The following DUSP26 variants were observed in gnomAD, a reference collection of about 807,000 sequenced individuals.
The protein encoded by DUSP26 is dual specificity phosphatase 26, also known as dual specificity protein phosphatase 26.
DUSP26 carries 12 observed loss-of-function variants against 20.0 expected under a neutral mutation model. The ratio of observed to expected loss-of-function variants is 0.60; its 90% CI spans 0.38 to 0.97. DUSP26 has a LOEUF of 0.97. Among genes scored for constraint, DUSP26 ranks in the 50% least tolerant of loss-of-function variants. The pLI is 0.00. For synonymous variants in DUSP26, 120 were observed against 118.8 expected, an observed-to-expected ratio of 1.01 and a Z score of -0.06; for missense variants, 230 against 294.0, an observed-to-expected ratio of 0.78 and a Z score of 1.59.
At chr8:33,594,310 C>T (rs902230018) in intron 2 of DUSP26, among the ~76,000 whole-genome samples, 14 of 151,266 alleles carry the variant, frequency 9.3e-5, no homozygotes, top group African/African-American at 3.4e-4. Context: ...TGAAAGTGTG[C>T]GGCCGGGCGC....
chr8:33,595,477 G>A (rs1010812434), intron 2 of DUSP26, among the ~76,000 whole-genome samples: 1 of 151,672 alleles, frequency 6.6e-6, no homozygotes, highest in Admixed American at 6.6e-5. Flanking sequence ...TGCCTCCCGG[G>A]TTCAAGCAAT....
Position 33,597,709 on chromosome 8 carries a change from C to G in DUSP26, c.-76-118G>C, listed in dbSNP as rs899184551. On this transcript the variant is annotated intron_variant, in intron 1 of 3. Coordinates refer to ENST00000256261, the MANE Select transcript of DUSP26 (RefSeq NM_024025.3). ...GGAGAGAAGGTAAGCCTGGCTCTGG[C>G]AGGAGCCTTCAGGGGTGGCTTTTTC... The G allele has an allele frequency of 7.3e-6, 4 of 550,604 alleles. No individual in the cohort carries two copies. In the African/African-American group the frequency reaches 7.6e-5, roughly 10 times the overall value. The allele number at this position is 550,604 out of a possible 1,614,324, so 34.1% of individuals were successfully genotyped here. A position where few individuals can be genotyped will look rare whatever the true frequency, so the allele number is the denominator to read the frequency against.
chr8:33,595,642 G>A (rs1585378787), intron 2 of DUSP26, among the ~76,000 whole-genome samples: 1 of 151,978 alleles, frequency 6.6e-6, no homozygotes, highest in Non-Finnish European at 1.5e-5. Context: ...GTATCCCAAA[G>A]TGCTGGGATT....
chr8:33,598,319 G>A (rs560460229), intron 1 of DUSP26, among the ~76,000 whole-genome samples: 6 of 152,128 alleles, frequency 3.9e-5, no homozygotes, highest in Non-Finnish European at 8.8e-5. Flanking sequence ...CCTTGGATCA[G>A]CATTAGGAAA....
At chr8:33,598,699 G>A (rs986498075) in intron 1 of DUSP26, among the ~76,000 whole-genome samples, 1 of 152,168 alleles carries the variant, frequency 6.6e-6, no homozygotes, top group African/African-American at 2.4e-5. Context: ...AAGGACCAGC[G>A]TTTGAGGCTT....
intron 2 of DUSP26, among the ~76,000 whole-genome samples, chr8:33,594,424 C>T (rs1221490781): frequency 6.6e-6 from 1 of 151,536 alleles, no homozygotes; most frequent in Non-Finnish European, 1.5e-5. Context: ...AACCCCATCT[C>T]TACTAAAAAT....
At chr8:33,594,315 G>A (rs1053859249) in intron 2 of DUSP26, among the ~76,000 whole-genome samples, 25 of 151,858 alleles carry the variant, frequency 1.6e-4, no homozygotes, top group Admixed American at 9.8e-4. Context: ...GTGTGCGGCC[G>A]GGCGCGGTGG....
chr8:33,598,380 G>A (rs1811199107), intron 1 of DUSP26, among the ~76,000 whole-genome samples: 1 of 151,092 alleles, frequency 6.6e-6, no homozygotes, highest in South Asian at 2.1e-4. Context: ...TCTAAGCAGG[G>A]TTGGAGTGTT....
intron 3 of DUSP26, 28 bp from the exon 4 acceptor site, chr8:33,592,240 T>A (rs764020078): frequency 6.5e-7 from 1 of 1,538,676 alleles, no homozygotes; most frequent in East Asian, 2.4e-5. Context: ...GAGAGAGCTT[T>A]GAGACTGCTT....
chr8:33,599,118 T>C (rs948606710), intron 1 of DUSP26, among the ~76,000 whole-genome samples: 4 of 151,858 alleles, frequency 2.6e-5, no homozygotes, highest in African/African-American at 4.8e-5. Context: ...ACTACAGCCA[T>C]CATCACCACC....
Position 33,597,358 on chromosome 8 carries a change from T to C in DUSP26, c.158A>G (p.Tyr53Cys). Residue 53 changes from tyrosine (Y) to cysteine (C), a missense_variant, in exon 2 of 4, where the codon TAC (tyrosine) becomes TGC (cysteine). By Grantham distance (194) the Tyr-to-Cys change is radical (BLOSUM62 -2). Coordinates refer to ENST00000256261, the MANE Select transcript of DUSP26 (RefSeq NM_024025.3). Reference protein sequence around the residue: ...LNVFELERLLYTGKTACNHAD... With the variant: ...LNVFELERLLCTGKTACNHAD... ...ATGGTTACAGGCTGTCTTGCCTGTGTAGAGGAGCCGCTCCAACTCGAAGAC... is the reference window on the plus strand; with the variant it reads ...ATGGTTACAGGCTGTCTTGCCTGTGCAGAGGAGCCGCTCCAACTCGAAGAC... 1 of 1,614,008 alleles carries C rather than the reference T, an allele frequency of 6.2e-7. No individual in the cohort carries two copies. Among genetic ancestry groups the C allele is most frequent in the South Asian group, 1.1e-5 (1 of 91,058 alleles).
intron 1 of DUSP26, 134 bp downstream of exon 1, chr8:33,599,531 G>T (rs1811223949): frequency 6.6e-6 from 1 of 152,212 alleles, no homozygotes; most frequent in African/African-American, 2.4e-5. Context: ...GGGCGCCCGG[G>T]AGAGAGAGGC....
At chr8:33,597,802 ATGTCCTTGTTT>A in intron 1 of DUSP26, 2 of 343,288 alleles carry the variant, frequency 5.8e-6, no homozygotes, top group Non-Finnish European at 1.1e-5. Flanking sequence ...GGAGAGTCAC[ATGTCCTTGTTT>A]ACGGGGAGAG....
chr8:33,596,439 G>C (rs561699150), intron 2 of DUSP26, among the ~76,000 whole-genome samples: 4 of 151,808 alleles, frequency 2.6e-5, no homozygotes, highest in African/African-American at 9.7e-5. Flanking sequence ...ATAATTAGCC[G>C]GGCAAGGCGG....
At chr8:33,596,090 C>T (rs1021669149) in intron 2 of DUSP26, among the ~76,000 whole-genome samples, 4 of 152,108 alleles carry the variant, frequency 2.6e-5, no homozygotes, top group African/African-American at 9.7e-5. Flanking sequence ...TCAAAATCAG[C>T]CTGGCCAACA....
At chr8:33,592,811 ACT>A (rs1811053936) in intron 3 of DUSP26, among the ~76,000 whole-genome samples, 1 of 152,170 alleles carries the variant, frequency 6.6e-6, no homozygotes, top group African/African-American at 2.4e-5. Flanking sequence ...CATTGAAAAC[ACT>A]GTCATTACTG....
At chr8:33,593,038 G>A (rs150249532) in intron 3 of DUSP26, among the ~76,000 whole-genome samples, 1,757 of 152,200 alleles carry the variant, frequency 0.012, 34 homozygotes, top group African/African-American at 0.04. Context: ...TTGGGAGGCC[G>A]AGGCGGGTGG....
At chr8:33,597,814 ACGGGGAGAGGG>A in intron 1 of DUSP26, 1 of 291,094 alleles carries the variant, frequency 3.4e-6, no homozygotes, top group Non-Finnish European at 6.5e-6. Context: ...GTCCTTGTTT[ACGGGGAGAGGG>A]AGCTGCCCAG....
In DUSP26 at chr8:33,592,166, G is replaced by A. The variant is rs745493751; in HGVS notation, c.483C>T (p.Thr161=). 1.2e-6 allele frequency: 2 copies of A among 1,613,802 alleles called. No homozygotes were observed. Among genetic ancestry groups the A allele is most frequent in the African/African-American group, 2.7e-5 (2 of 74,906 alleles). Residue 161 remains threonine, a synonymous_variant, in exon 4 of 4, where the codon ACC becomes ACT. Coordinates refer to ENST00000256261, the MANE Select transcript of DUSP26 (RefSeq NM_024025.3). ...ACAGCATGAGGTAGGCCAGTACCAG[G>A]GTGGCGGATCGGCTCACGCCCACAG... is the stretch of plus-strand genomic sequence containing the variant. ...HCAVGVSRSA[T]LVLAYLMLYH... is the part of the protein sequence containing the mutation.
Sources: allele counts gnomAD v4.1 joint callset (sites outside exome capture counted in the v4.1 genomes callset), GRCh38; gene constraint gnomAD v4.1.1; transcripts MANE v1.5; gene names NCBI Gene and HGNC (gene_info 2026-07-23, HGNC 2026-07-21).